The following SYNDIG1 variants were observed in gnomAD, a reference collection of about 807,000 sequenced individuals.
SYNDIG1 encodes the protein synapse differentiation inducing 1, also known as synapse differentiation-inducing gene protein 1.
A neutral mutation model predicts 19.4 loss-of-function variants in SYNDIG1; 9 were observed. That is an observed-to-expected ratio of 0.46 (90% CI 0.28 to 0.81). SYNDIG1 has a LOEUF of 0.81. SYNDIG1 is among the 30% of genes least tolerant of loss of function. The pLI, the probability that SYNDIG1 is intolerant of heterozygous loss-of-function variation, is 0.12. For missense variants in SYNDIG1, 311 were observed against 343.3 expected (o/e 0.91, Z 0.74); for synonymous variants, 141 against 145.9 (o/e 0.97, Z 0.24).
At chr20:24,592,363 A>G (rs2058526643) in intron 3 of SYNDIG1, among the ~76,000 whole-genome samples, 2 of 152,166 alleles carry the variant, frequency 1.3e-5, no homozygotes, top group African/African-American at 4.8e-5. Flanking sequence ...CTAATTCTTT[A>G]TGGCTGGTGT....
intron 1 of SYNDIG1, among the ~76,000 whole-genome samples, chr20:24,516,352 T>G (rs1328955269): frequency 1.3e-5 from 2 of 152,130 alleles, no homozygotes; most frequent in Non-Finnish European, 2.9e-5. Context: ...TAAATTAAAG[T>G]GCTTCTGCAC....
At chr20:24,548,509 C>G (rs1295878234) in intron 2 of SYNDIG1, among the ~76,000 whole-genome samples, 2 of 152,156 alleles carry the variant, frequency 1.3e-5, no homozygotes, top group African/African-American at 2.4e-5. Flanking sequence ...GGGGCGAGGA[C>G]TCAACACACA....
Position 24,558,261 on chromosome 20 carries a change from C to CA in SYNDIG1, c.480+14692dup, listed in dbSNP as rs1054726184. 9.9e-5 allele frequency among the ~76,000 whole-genome samples: 15 copies of CA among 151,842 alleles called. No individual in the cohort carries two copies. The East Asian group carries it at 2.9e-3, about 29-fold the overall frequency. ...AGAAGTGTCAATTTCTCTATTTATC[C>CA]AAAAAAAATTGTCTACTGGACTATT... On this transcript the variant is annotated intron_variant, in intron 2 of 3. Coordinates refer to ENST00000376862, the MANE Select transcript of SYNDIG1 (RefSeq NM_024893.3).
At chr20:24,480,118 C>G (rs963138705) in intron 1 of SYNDIG1, among the ~76,000 whole-genome samples, 2 of 152,232 alleles carry the variant, frequency 1.3e-5, no homozygotes, top group Non-Finnish European at 2.9e-5. Flanking sequence ...TTGATCATCA[C>G]CTCTTCCCAG....
intron 3 of SYNDIG1, among the ~76,000 whole-genome samples, chr20:24,632,210 T>G (rs1261594181): frequency 6.6e-6 from 1 of 152,262 alleles, no homozygotes; most frequent in Non-Finnish European, 1.5e-5. Context: ...AATTCCCTGC[T>G]GCGTAGATTT....
intron 3 of SYNDIG1, among the ~76,000 whole-genome samples, chr20:24,595,892 C>A (rs79122928): frequency 0.03 from 4,539 of 152,118 alleles, 221 homozygotes; most frequent in African/African-American, 0.1. Context: ...CTTATTTATT[C>A]TTTCAAAGAA....
chr20:24,665,430 A>G lies in SYNDIG1; in HGVS notation c.703A>G (p.Thr235Ala). The G allele has an allele frequency of 1.2e-6, 2 of 1,613,324 alleles. No individual in the cohort carries two copies. The highest frequency in any genetic ancestry group is 1.7e-6 in the Non-Finnish European group (2 of 1,179,716). The change falls in exon 4 of 4, where the codon ACC (threonine) becomes GCC (alanine). Residue 235 changes from threonine (T) to alanine (A), a missense_variant. Physicochemically the swap from Thr to Ala is moderately conservative, Grantham distance 58. Transcript: ENST00000376862. ...RALFLAVLSITIGTGVYVGVA... is the reference protein window; with the variant it reads ...RALFLAVLSIAIGTGVYVGVA... ...CCTATTCCTGGCAGTGCTGTCCATC[A>G]CCATTGGGACTGGCGTCTATGTGGG... is the stretch of plus-strand genomic sequence containing the variant.
intron 2 of SYNDIG1, among the ~76,000 whole-genome samples, chr20:24,578,766 A>G (rs546294090): frequency 8.5e-5 from 13 of 152,356 alleles, no homozygotes; most frequent in African/African-American, 3.1e-4. Context: ...GGAAAACGCC[A>G]AGCCCAGAGT....
In SYNDIG1 at chr20:24,585,591, G is replaced by A. The variant is rs529286289; in HGVS notation, c.618+598G>A. On this transcript the variant is annotated intron_variant, in intron 3 of 3. Transcript: ENST00000376862. ...GATTCCCAGCCTTTTTCACTACAGA[G>A]CATCCTGTTTGTTGCCCCTTATGCA... Among the ~76,000 whole-genome samples, 15 of 152,302 alleles carry A rather than the reference G, an allele frequency of 9.8e-5. No individual in the cohort carries two copies. In the East Asian group the frequency reaches 1.9e-3, roughly 20 times the overall value.
intron 1 of SYNDIG1, among the ~76,000 whole-genome samples, chr20:24,489,289 C>T (rs2056071374): frequency 6.6e-6 from 1 of 150,948 alleles, no homozygotes; most frequent in African/African-American, 2.5e-5. Context: ...CAGGGACAGG[C>T]ACAGTCACAT....
At chr20:24,640,502 GA>G (rs2059364799) in intron 3 of SYNDIG1, among the ~76,000 whole-genome samples, 1 of 142,598 alleles carries the variant, frequency 7.0e-6, no homozygotes, top group East Asian at 2.0e-4. Context: ...AGGAAGGAAG[GA>G]AGGAAGGAAG....
intron 1 of SYNDIG1, among the ~76,000 whole-genome samples, chr20:24,506,457 G>C (rs115379688): frequency 0.012 from 1,857 of 152,312 alleles, 40 homozygotes; most frequent in African/African-American, 0.042. Context: ...AGTCCCCCTG[G>C]TGCCACCACA....
chr20:24,587,523 C>T (rs752899828), intron 3 of SYNDIG1, among the ~76,000 whole-genome samples: 46 of 152,234 alleles, frequency 3.0e-4, no homozygotes, highest in Non-Finnish European at 5.0e-4. Flanking sequence ...ACCGCAGATG[C>T]GTGGTCTCCA....
chr20:24,497,702 A>G (rs2056337874), intron 1 of SYNDIG1, among the ~76,000 whole-genome samples: 1 of 152,156 alleles, frequency 6.6e-6, no homozygotes. Flanking sequence ...AAATGGATAC[A>G]AGGGCTTCTA....
chr20:24,490,891 G>A (rs988816270), intron 1 of SYNDIG1, among the ~76,000 whole-genome samples: 3 of 152,196 alleles, frequency 2.0e-5, no homozygotes, highest in African/African-American at 4.8e-5. Context: ...AGTGTGAGTG[G>A]AGGTGGAGCC....
Position 24,665,416 on chromosome 20 carries a change from C to T in SYNDIG1, c.689C>T (p.Ala230Val). Reference sequence around the variant, plus strand: ...AGCTCCCGGCGGGCCCTATTCCTGGCAGTGCTGTCCATCACCATTGGGACT... The same window carrying T: ...AGCTCCCGGCGGGCCCTATTCCTGGTAGTGCTGTCCATCACCATTGGGACT... The part of the protein sequence containing the change: ...STSSRRALFL[A>V]VLSITIGTGV... Residue 230 changes from alanine (A) to valine (V), a missense_variant, in exon 4 of 4, where the codon GCA (alanine) becomes GTA (valine). Ala to Val is a moderately conservative substitution (Grantham distance 64, BLOSUM62 0). Coordinates refer to ENST00000376862, the MANE Select transcript of SYNDIG1 (RefSeq NM_024893.3). 6.2e-7 allele frequency: 1 copy of T among 1,613,238 alleles called. No homozygotes were observed. Among genetic ancestry groups the T allele is most frequent in the South Asian group, 1.1e-5 (1 of 90,896 alleles).
chr20:24,496,009 T>C (rs2056295616), intron 1 of SYNDIG1, among the ~76,000 whole-genome samples: 1 of 152,050 alleles, frequency 6.6e-6, no homozygotes, highest in African/African-American at 2.4e-5. Context: ...CACGCCTGGC[T>C]AATTTTTTGT....
At chr20:24,652,705 G>C (rs529111375) in intron 3 of SYNDIG1, among the ~76,000 whole-genome samples, 1 of 149,672 alleles carries the variant, frequency 6.7e-6, no homozygotes, top group East Asian at 2.0e-4. Flanking sequence ...TCTGTTGGAG[G>C]CTTTCTCCAC....
At chr20:24,558,087 A>G (rs1200355401) in intron 2 of SYNDIG1, among the ~76,000 whole-genome samples, 2 of 152,170 alleles carry the variant, frequency 1.3e-5, no homozygotes, top group African/African-American at 4.8e-5. Flanking sequence ...CAAGGAAGCA[A>G]TCGTGATGAA....
Sources: gnomAD v4.1 joint callset for allele counts (sites outside exome capture counted in the v4.1 genomes callset) on GRCh38, gnomAD v4.1.1 for gene constraint, MANE v1.5 for transcripts, NCBI Gene and HGNC (gene_info 2026-07-23, HGNC 2026-07-21) for gene names.